Variants in LRP1B observed in about 807,000 individuals in gnomAD.
The protein encoded by LRP1B is low-density lipoprotein receptor-related protein 1B.
LRP1B carries 217 observed loss-of-function variants against 556.6 expected under a neutral mutation model. The observed-to-expected ratio is 0.39, with a 90% CI of 0.35 to 0.44. LRP1B has a LOEUF of 0.44. Ranked by LOEUF, LRP1B falls within the 20% of genes least tolerant of loss-of-function variation. The pLI is 1.00. For missense variants in LRP1B, 5,053 were observed against 5,620.8 expected (o/e 0.90, Z 3.23); for synonymous variants, 2,047 against 1,865.8 (o/e 1.10, Z -2.50).
chr2:140,700,149 C>G (rs2105419013), intron 41 of LRP1B, 101 bp downstream of exon 41: 2 of 1,061,090 alleles, frequency 1.9e-6, no homozygotes, highest in Non-Finnish European at 2.7e-6. Context: ...AATATAAAAT[C>G]TAGGAAAATG....
chr2:141,883,622 G>A (rs1186480879), intron 1 of LRP1B, among the ~76,000 whole-genome samples: 3 of 152,064 alleles, frequency 2.0e-5, no homozygotes, highest in Admixed American at 1.3e-4. Flanking sequence ...TACAGTGAAG[G>A]CTGAGGTAGG....
intron 20 of LRP1B, among the ~76,000 whole-genome samples, chr2:140,932,676 C>T (rs1354442550): frequency 6.6e-6 from 1 of 151,460 alleles, no homozygotes; most frequent in Non-Finnish European, 1.5e-5. Flanking sequence ...AGTTTGAGAC[C>T]AGCCTAGGCA....
intron 2 of LRP1B, among the ~76,000 whole-genome samples, chr2:141,760,129 T>C (rs1478680603): frequency 8.2e-6 from 1 of 121,502 alleles, no homozygotes; most frequent in Admixed American, 9.3e-5. Flanking sequence ...TTTTCAGAAT[T>C]GTTTCAAAAA....
chr2:140,678,770 CT>C (rs35395485), intron 41 of LRP1B, among the ~76,000 whole-genome samples: 10,005 of 136,130 alleles, frequency 0.073, 393 homozygotes, highest in East Asian at 0.15. Flanking sequence ...TTCAATCTCC[CT>C]TTTTTTTTTT....
intron 37 of LRP1B, among the ~76,000 whole-genome samples, chr2:140,711,358 C>G (rs1468362757): frequency 6.6e-6 from 1 of 151,936 alleles, no homozygotes; most frequent in East Asian, 1.9e-4. Flanking sequence ...GAATCACCCT[C>G]TCTTAATTCA....
rs373932706 is a variant in LRP1B at position 140,786,372 on chromosome 2, A to G, written c.5360-10134T>C. ...ATCTATATATGAGAGTGAATTTACT[A>G]TTTATAATTATGTTGGAGCCATTAC... On this transcript the variant is annotated intron_variant, in intron 32 of 90. Transcript: ENST00000389484. 5.7e-4 allele frequency among the ~76,000 whole-genome samples: 87 copies of G among 152,350 alleles called. 1 individual carries two copies. In the East Asian group the frequency reaches 0.013, roughly 22 times the overall value.
chr2:140,720,827 T>A (rs1275439247), intron 35 of LRP1B, among the ~76,000 whole-genome samples: 1 of 152,010 alleles, frequency 6.6e-6, no homozygotes, highest in Admixed American at 6.6e-5. Flanking sequence ...ACAGCATAAA[T>A]ATATAAAAAT....
At chr2:140,575,641 AG>A (rs1681490831) in intron 43 of LRP1B, among the ~76,000 whole-genome samples, 2 of 152,252 alleles carry the variant, frequency 1.3e-5, no homozygotes, top group East Asian at 3.9e-4. Context: ...AAAAAGAATC[AG>A]GCTGGGCGCT....
intron 41 of LRP1B, among the ~76,000 whole-genome samples, chr2:140,607,924 A>T (rs1345000242): frequency 6.6e-6 from 1 of 151,976 alleles, no homozygotes; most frequent in Non-Finnish European, 1.5e-5. Flanking sequence ...GCTTACTGTG[A>T]ATTAGACTAC....
At chr2:141,782,173 CAT>C (rs1416826724) in intron 2 of LRP1B, among the ~76,000 whole-genome samples, 1 of 152,120 alleles carries the variant, frequency 6.6e-6, no homozygotes, top group East Asian at 1.9e-4. Flanking sequence ...TCTTTACCAA[CAT>C]GATGTACTTG....
At chr2:141,578,396 CAA>C (rs554339088) in intron 2 of LRP1B, among the ~76,000 whole-genome samples, 6 of 73,130 alleles carry the variant, frequency 8.2e-5, no homozygotes, top group Non-Finnish European at 1.1e-4. Context: ...GAGTCCTTCT[CAA>C]AAAAAAAAAA....
intron 3 of LRP1B, among the ~76,000 whole-genome samples, chr2:141,322,431 TAG>T (rs1238442636): frequency 6.6e-6 from 1 of 152,006 alleles, no homozygotes; most frequent in Non-Finnish European, 1.5e-5. Flanking sequence ...GCCTGAGCTT[TAG>T]GTATGTCCGA....
At chr2:140,823,155 T>C (rs1365608850) in intron 31 of LRP1B, among the ~76,000 whole-genome samples, 1 of 152,138 alleles carries the variant, frequency 6.6e-6, no homozygotes, top group Admixed American at 6.5e-5. Context: ...TAAGTAGTAA[T>C]TGCTATGAGC....
At chr2:140,806,757 C>T (rs116622219) in intron 32 of LRP1B, among the ~76,000 whole-genome samples, 183 of 152,300 alleles carry the variant, frequency 1.2e-3, no homozygotes, top group African/African-American at 4.0e-3. Flanking sequence ...GATCCATTTA[C>T]ACCAGCTCTT....
intron 6 of LRP1B, among the ~76,000 whole-genome samples, chr2:141,201,307 T>A (rs886810179): frequency 2.6e-5 from 4 of 152,172 alleles, no homozygotes; most frequent in African/African-American, 9.7e-5. Flanking sequence ...CATCCACTTA[T>A]GCGTTAAAAC....
chr2:141,824,964 G>A (rs949164877), intron 1 of LRP1B, among the ~76,000 whole-genome samples: 8 of 152,254 alleles, frequency 5.3e-5, no homozygotes, highest in African/African-American at 1.9e-4. Context: ...AGATCCGATG[G>A]TTTTTAAAGT....
intron 2 of LRP1B, among the ~76,000 whole-genome samples, chr2:141,539,951 T>C (rs1685196230): frequency 6.6e-6 from 1 of 152,074 alleles, no homozygotes; most frequent in Non-Finnish European, 1.5e-5. Context: ...GTTATTGAAA[T>C]AGAAAGAGCC....
At chr2:140,641,647 C>A (rs1303245544) in intron 41 of LRP1B, among the ~76,000 whole-genome samples, 1 of 152,156 alleles carries the variant, frequency 6.6e-6, no homozygotes, top group Non-Finnish European at 1.5e-5. Context: ...TCCTGTTCTG[C>A]ACTAAATTTC....
intron 6 of LRP1B, among the ~76,000 whole-genome samples, chr2:141,228,200 C>T (rs867065207): frequency 2.6e-5 from 4 of 152,124 alleles, no homozygotes; most frequent in Middle Eastern, 3.2e-3. Context: ...CCACCGCACC[C>T]GGCTTCTCTT....
Sources: allele counts gnomAD v4.1 joint callset (sites outside exome capture counted in the v4.1 genomes callset), GRCh38; gene constraint gnomAD v4.1.1; transcripts MANE v1.5; gene names NCBI Gene and HGNC (gene_info 2026-07-23, HGNC 2026-07-21).